GALNTL6: variants seen among roughly 807,000 people sequenced by gnomAD.
The protein encoded by GALNTL6 is polypeptide N-acetylgalactosaminyltransferase like 6.
Under a neutral mutation model 73.7 loss-of-function variants are expected in GALNTL6, and 46 were observed. The ratio of observed to expected loss-of-function variants is 0.62; its 90% CI spans 0.49 to 0.80. The LOEUF (loss-of-function observed/expected upper bound fraction) is 0.80, where lower values mean the gene tolerates loss of function less well. GALNTL6 is among the 30% of genes least tolerant of loss of function. The pLI is 0.00. For missense variants in GALNTL6, 604 were observed against 755.0 expected, an observed-to-expected ratio of 0.80 and a Z score of 2.34; for synonymous variants, 259 against 263.7, an observed-to-expected ratio of 0.98 and a Z score of 0.17.
At chr4:172,539,290 G>A (rs1735462613) in intron 5 of GALNTL6, among the ~76,000 whole-genome samples, 1 of 152,158 alleles carries the variant, frequency 6.6e-6, no homozygotes, top group South Asian at 2.1e-4. Context: ...CATTGTGGTT[G>A]TCATCAGCAG....
At chr4:172,394,856 A>G (rs1434217798) in intron 5 of GALNTL6, among the ~76,000 whole-genome samples, 1 of 152,186 alleles carries the variant, frequency 6.6e-6, no homozygotes, top group African/African-American at 2.4e-5. Flanking sequence ...TAATTTTAGC[A>G]TGATGTATTT....
intron 4 of GALNTL6, among the ~76,000 whole-genome samples, chr4:172,348,056 G>A (rs1741811926): frequency 6.6e-6 from 1 of 151,856 alleles, no homozygotes; most frequent in African/African-American, 2.4e-5. Context: ...TTTCCCTTCA[G>A]GCTTTAAATA....
intron 2 of GALNTL6, among the ~76,000 whole-genome samples, chr4:171,944,527 G>T (rs1459926647): frequency 6.6e-6 from 1 of 151,934 alleles, no homozygotes; most frequent in Admixed American, 6.6e-5. Context: ...TGTTTTCAAA[G>T]AAAAAGTCCT....
At chr4:172,836,388 G>A (rs1386966058) in intron 7 of GALNTL6, among the ~76,000 whole-genome samples, 1 of 152,122 alleles carries the variant, frequency 6.6e-6, no homozygotes, top group Non-Finnish European at 1.5e-5. Context: ...TACCTGGGCT[G>A]GGGAAGTTTC....
intron 2 of GALNTL6, among the ~76,000 whole-genome samples, chr4:171,875,452 T>TCCCAGGTCTGTGGGACTTCCCC (rs1736249587): frequency 6.6e-6 from 1 of 152,104 alleles, no homozygotes; most frequent in Admixed American, 6.6e-5. Context: ...CCTAGTTCCC[T>TCCCAGGTCTGTGGGACTTCCCC]CCCAGGTCTG....
chr4:172,636,733 A>G (rs1220064973), intron 5 of GALNTL6, among the ~76,000 whole-genome samples: 3 of 152,230 alleles, frequency 2.0e-5, no homozygotes, highest in Non-Finnish European at 2.9e-5. Flanking sequence ...GGTAATTTGT[A>G]ACAGCAGCAA....
At chr4:172,380,096 T>G in intron 5 of GALNTL6, 1 of 975,186 alleles carries the variant, frequency 1.0e-6, no homozygotes, top group Non-Finnish European at 1.7e-6. Flanking sequence ...GCTTCGTTGG[T>G]GTTTCCACTG....
intron 7 of GALNTL6, among the ~76,000 whole-genome samples, chr4:172,876,776 A>C (rs1745218361): frequency 6.6e-6 from 1 of 152,218 alleles, no homozygotes; most frequent in Non-Finnish European, 1.5e-5. Context: ...TAATGTAAGC[A>C]ATGCTTTCAT....
chr4:172,493,465 G>T (rs1326232306), intron 5 of GALNTL6, among the ~76,000 whole-genome samples: 1 of 152,160 alleles, frequency 6.6e-6, no homozygotes, highest in Admixed American at 6.5e-5. Flanking sequence ...CAATTACATT[G>T]CATGACCAAA....
chr4:172,800,355 A>G (rs568955498), intron 5 of GALNTL6, among the ~76,000 whole-genome samples: 6 of 152,224 alleles, frequency 3.9e-5, no homozygotes, highest in Non-Finnish European at 8.8e-5. Context: ...TCCTATATCA[A>G]CATTGACAAT....
chr4:172,758,124 C>T (rs901762038), intron 5 of GALNTL6, among the ~76,000 whole-genome samples: 82 of 152,282 alleles, frequency 5.4e-4, no homozygotes, highest in African/African-American at 1.8e-3. Flanking sequence ...CACACAACCA[C>T]CTATGTACAC....
chr4:171,998,269 AAG>A (rs1740555424), intron 2 of GALNTL6, among the ~76,000 whole-genome samples: 1 of 152,162 alleles, frequency 6.6e-6, no homozygotes, highest in Non-Finnish European at 1.5e-5. Context: ...CATATAAAGA[AAG>A]AGAGATCTAT....
intron 5 of GALNTL6, among the ~76,000 whole-genome samples, chr4:172,760,575 G>C (rs971396491): frequency 6.6e-6 from 1 of 152,018 alleles, no homozygotes; most frequent in Non-Finnish European, 1.5e-5. Context: ...GAACATTGAT[G>C]CCCTGCTTCT....
At chr4:172,242,317 G>T (rs900271415) in intron 3 of GALNTL6, among the ~76,000 whole-genome samples, 1 of 151,994 alleles carries the variant, frequency 6.6e-6, no homozygotes, top group African/African-American at 2.4e-5. Context: ...AGATGTGTGT[G>T]TGTGTTTGTA....
At chr4:172,700,946 A>G (rs1231808094) in intron 5 of GALNTL6, among the ~76,000 whole-genome samples, 2 of 152,076 alleles carry the variant, frequency 1.3e-5, no homozygotes, top group Non-Finnish European at 2.9e-5. Flanking sequence ...TTCCCATAAG[A>G]AGGAAAAAAA....
chr4:172,240,690 C>A (rs1177661294), intron 3 of GALNTL6, among the ~76,000 whole-genome samples: 2 of 152,184 alleles, frequency 1.3e-5, no homozygotes, highest in African/African-American at 4.8e-5. Flanking sequence ...TCAGCTCTAT[C>A]AGATCAGTTT....
At chr4:172,751,406 A>T (rs192728368) in intron 5 of GALNTL6, among the ~76,000 whole-genome samples, 78 of 152,370 alleles carry the variant, frequency 5.1e-4, no homozygotes, top group Non-Finnish European at 1.0e-3. Flanking sequence ...ATATCAGCAC[A>T]TCTTAATAGG....
At chr4:172,406,019 A>G (rs1744227379) in intron 5 of GALNTL6, among the ~76,000 whole-genome samples, 1 of 152,016 alleles carries the variant, frequency 6.6e-6, no homozygotes, top group Non-Finnish European at 1.5e-5. Context: ...CCTGAAATCT[A>G]AATCTAGTCT....
chr4:172,411,894 A>G (rs1397246741), intron 5 of GALNTL6, among the ~76,000 whole-genome samples: 1 of 152,130 alleles, frequency 6.6e-6, no homozygotes, highest in East Asian at 1.9e-4. Context: ...CATGGCGTTT[A>G]TATTCTGGGG....
Sources: gnomAD v4.1 joint callset for allele counts (sites outside exome capture counted in the v4.1 genomes callset) on GRCh38, gnomAD v4.1.1 for gene constraint, MANE v1.5 for transcripts, NCBI Gene and HGNC (gene_info 2026-07-23, HGNC 2026-07-21) for gene names.